MBD5: variants seen among roughly 807,000 people sequenced by gnomAD.
The protein encoded by MBD5 is methyl-CpG binding domain protein 5.
A neutral mutation model predicts 117.3 loss-of-function variants in MBD5; 13 were observed. The ratio of observed to expected loss-of-function variants is 0.11; its 90% confidence interval spans 0.07 to 0.18. MBD5 has a LOEUF of 0.18. MBD5 is among the 10% of genes least tolerant of loss of function. The pLI is 1.00. For synonymous variants in MBD5, 727 were observed against 766.4 expected (o/e 0.95, Z 0.85); for missense variants, 1,879 against 2,093.8 (o/e 0.90, Z 2.00).
chr2:148,283,866 T>C (rs538366980), intron 3 of MBD5, among the ~76,000 whole-genome samples: 216 of 152,314 alleles, frequency 1.4e-3, no homozygotes, highest in Non-Finnish European at 2.7e-3. Context: ...CTTAACTATC[T>C]TCCTAACTTG....
chr2:148,411,512 C>CTT (rs1188326755), intron 4 of MBD5, among the ~76,000 whole-genome samples: 10,685 of 97,436 alleles, frequency 0.11, 888 homozygotes, highest in East Asian at 0.29. Flanking sequence ...AGCATCTGTT[C>CTT]TTTTTTTTTT....
chr2:148,317,903 G>T (rs1702192003), intron 3 of MBD5, among the ~76,000 whole-genome samples: 1 of 152,146 alleles, frequency 6.6e-6, no homozygotes, highest in Admixed American at 6.5e-5. Flanking sequence ...TTTGTGAATA[G>T]TGCTGCAATG....
chr2:148,087,257 G>A (rs1695819722), intron 1 of MBD5, among the ~76,000 whole-genome samples: 1 of 152,168 alleles, frequency 6.6e-6, no homozygotes, highest in Non-Finnish European at 1.5e-5. Flanking sequence ...CTTCTGGCTG[G>A]AGGCCAACCA....
intron 1 of MBD5, among the ~76,000 whole-genome samples, chr2:148,050,620 T>C (rs1014775667): frequency 1.3e-5 from 2 of 152,190 alleles, no homozygotes; most frequent in Non-Finnish European, 2.9e-5. Context: ...GATTATTGCC[T>C]ATTCCAAGGT....
chr2:148,477,074 T>G (rs1178450714), intron 8 of MBD5, among the ~76,000 whole-genome samples: 3 of 152,124 alleles, frequency 2.0e-5, no homozygotes, highest in Non-Finnish European at 4.4e-5. Flanking sequence ...TCCAACAGTT[T>G]TCAGAGTAAC....
At chr2:148,344,868 G>A (rs2938705) in intron 4 of MBD5, among the ~76,000 whole-genome samples, 41,703 of 151,636 alleles carry the variant, frequency 0.28, 6,537 homozygotes, top group Admixed American at 0.37. Flanking sequence ...TAAGTGATAT[G>A]TATTCATATC....
chr2:148,222,798 C>G (rs1699722303), intron 2 of MBD5, among the ~76,000 whole-genome samples: 1 of 152,046 alleles, frequency 6.6e-6, no homozygotes, highest in African/African-American at 2.4e-5. Context: ...GCTAGGACTT[C>G]CAGTACTATG....
chr2:148,039,869 G>C (rs1694306572), intron 1 of MBD5, among the ~76,000 whole-genome samples: 1 of 152,058 alleles, frequency 6.6e-6, no homozygotes, highest in Non-Finnish European at 1.5e-5. Context: ...CTGTTACTTA[G>C]TTTGAGAAAA....
intron 4 of MBD5, among the ~76,000 whole-genome samples, chr2:148,412,272 T>TTTTGTGTGTGTGTGTGTGTG (rs946184910): frequency 1.4e-5 from 2 of 144,478 alleles, no homozygotes; most frequent in African/African-American, 5.2e-5. Context: ...AGTATACTTT[T>TTTTGTGTGTGTGTGTGTGTG]TGTGTGTGTG....
chr2:148,162,558 T>C (rs953330842), intron 1 of MBD5, among the ~76,000 whole-genome samples: 5 of 152,160 alleles, frequency 3.3e-5, no homozygotes, highest in Admixed American at 6.5e-5. Context: ...TGACATCTCT[T>C]TTCTTTTTTT....
At chr2:148,389,250 ACATATATAT>A (rs1559050909) in intron 4 of MBD5, among the ~76,000 whole-genome samples, 2 of 29,146 alleles carry the variant, frequency 6.9e-5, no homozygotes, top group African/African-American at 1.2e-4. Context: ...GGAAAAAAAA[ACATATATAT>A]ATATATATAT....
chr2:148,358,171 G>A (rs955313422), intron 4 of MBD5, among the ~76,000 whole-genome samples: 3 of 151,904 alleles, frequency 2.0e-5, no homozygotes, highest in African/African-American at 7.3e-5. Context: ...TGGTCTACCT[G>A]GTATCTTTAA....
At chr2:148,400,793 C>A (rs1704896017) in intron 4 of MBD5, among the ~76,000 whole-genome samples, 1 of 152,084 alleles carries the variant, frequency 6.6e-6, no homozygotes, top group Non-Finnish European at 1.5e-5. Context: ...TAAATTATAT[C>A]TCTTCCATTT....
At chr2:148,208,975 T>A (rs1045316639) in intron 2 of MBD5, among the ~76,000 whole-genome samples, 3 of 152,220 alleles carry the variant, frequency 2.0e-5, no homozygotes, top group Non-Finnish European at 2.9e-5. Flanking sequence ...CACCGTTATA[T>A]GTGATACTAC....
rs1024511946 is a variant in MBD5 at position 148,483,898 on chromosome 2, A to C, written c.3307A>C (p.Asn1103His). Reference protein sequence around the residue: ...VLNSASANTANHPEVSIATSS... With the variant: ...VLNSASANTAHHPEVSIATSS... ...GAACTCGGCATCGGCCAACACCGCT[A>C]ATCATCCAGAGGTTTCCATAGCAAC... The change falls in exon 9 of 14, where the codon AAT (asparagine) becomes CAT (histidine). Residue 1103 changes from asparagine to histidine, a missense_variant. Physicochemically the swap from Asn to His is moderately conservative, Grantham distance 68. This residue lies in a region of MBD5 where 1,666 missense variants were observed against 1,792.2 expected (regional missense o/e 0.93). Coordinates refer to ENST00000642680, the MANE Select transcript of MBD5 (RefSeq NM_001378120.1). The C allele has an allele frequency of 2.8e-5, 44 of 1,550,586 alleles. No homozygotes were observed. The highest frequency in any genetic ancestry group is 3.8e-5 in the Non-Finnish European group (44 of 1,146,972).
At chr2:148,386,197 T>A (rs867395360) in intron 4 of MBD5, among the ~76,000 whole-genome samples, 1 of 151,958 alleles carries the variant, frequency 6.6e-6, no homozygotes, top group African/African-American at 2.4e-5. Context: ...CAAAAGCTTT[T>A]AAAAAAGTAA....
At chr2:148,445,917 G>T (rs1411547410) in intron 4 of MBD5, among the ~76,000 whole-genome samples, 1 of 151,350 alleles carries the variant, frequency 6.6e-6, no homozygotes, top group Non-Finnish European at 1.5e-5. Context: ...GTGTCTGTTG[G>T]CTGCATAAAT....
chr2:148,291,815 A>G (rs1235347404), intron 3 of MBD5, among the ~76,000 whole-genome samples: 1 of 152,222 alleles, frequency 6.6e-6, no homozygotes, highest in Non-Finnish European at 1.5e-5. Context: ...GACTTCAAAT[A>G]TACTACAGAG....
chr2:148,316,769 G>A (rs35749947), intron 3 of MBD5, among the ~76,000 whole-genome samples: 3 of 152,172 alleles, frequency 2.0e-5, no homozygotes, highest in South Asian at 4.2e-4. Context: ...AAGGAAAAAG[G>A]AGGAAAATTG....
Sources: allele counts gnomAD v4.1 joint callset (sites outside exome capture counted in the v4.1 genomes callset), GRCh38; gene constraint gnomAD v4.1.1; regional missense constraint gnomAD v4.1.1; transcripts MANE v1.5; gene names NCBI Gene and HGNC (gene_info 2026-07-23, HGNC 2026-07-21).